The following LEPR variants were observed in gnomAD, a reference collection of about 807,000 sequenced individuals.
LEPR encodes the protein OB receptor.
A neutral mutation model predicts 114.7 loss-of-function variants in LEPR; 56 were observed. The ratio of observed to expected loss-of-function variants is 0.49; its 90% CI spans 0.39 to 0.61. The LOEUF is 0.61. Among genes scored for constraint, LEPR ranks in the 20% least tolerant of loss-of-function variants. The probability of loss-of-function intolerance (pLI) is 0.00; values close to 1 mark genes in which losing one functional copy is unlikely to be tolerated. For synonymous variants in LEPR, 443 were observed against 461.4 expected (o/e 0.96, Z 0.51); for missense variants, 1,202 against 1,352.9 (o/e 0.89, Z 1.75).
At chr1:65,439,246 A>AT (rs1359640245) in intron 2 of LEPR, among the ~76,000 whole-genome samples, 1 of 152,122 alleles carries the variant, frequency 6.6e-6, no homozygotes, top group Non-Finnish European at 1.5e-5. Flanking sequence ...TCCCGGTAAG[A>AT]TTTTTAGGAG....
Position 65,610,195 on chromosome 1 carries a change from A to G in LEPR, c.1913-19A>G. On this transcript the variant is annotated intron_variant, in intron 13 of 19. Coordinates refer to ENST00000349533, the MANE Select transcript of LEPR (RefSeq NM_002303.6). ...AAAGTATTTCTTCAAAAACATATAC[A>G]CAACTTGTCATTTTGCAGTTCCTAT... The G allele has an allele frequency of 6.2e-7, 1 of 1,614,126 alleles. No homozygotes were observed.
intron 2 of LEPR, among the ~76,000 whole-genome samples, chr1:65,491,438 T>A (rs1159535817): frequency 6.6e-6 from 1 of 152,044 alleles, no homozygotes; most frequent in Non-Finnish European, 1.5e-5. Flanking sequence ...GAACAAGAAA[T>A]GAGATTTCTT....
chr1:65,610,024 G>A lies in LEPR; in HGVS notation c.1830G>A (p.Gln610=). The part of the protein sequence containing the change: ...VPDLCAVYAV[Q]VRCKRLDGLG... ...ACTTGTGTGCAGTCTATGCTGTTCA[G>A]GTGCGCTGTAAGAGGCTAGATGGAC... is the stretch of plus-strand genomic sequence containing the variant. Residue 610 remains glutamine (Q), a synonymous_variant, in exon 13 of 20, where the codon CAG becomes CAA. Coordinates refer to ENST00000349533, the MANE Select transcript of LEPR (RefSeq NM_002303.6). 1 of 1,614,218 alleles carries A rather than the reference G, an allele frequency of 6.2e-7. No homozygotes were observed. The highest frequency in any genetic ancestry group is 1.6e-4 in the Middle Eastern group (1 of 6,062).
At chr1:65,448,483 T>G in intron 2 of LEPR, among the ~76,000 whole-genome samples, 1 of 152,226 alleles carries the variant, frequency 6.6e-6, no homozygotes, top group East Asian at 1.9e-4. Flanking sequence ...CTGTAGTCTT[T>G]TTATGTAATG....
intron 11 of LEPR, among the ~76,000 whole-genome samples, chr1:65,605,908 A>C (rs1008591565): frequency 6.6e-6 from 1 of 152,178 alleles, no homozygotes; most frequent in African/African-American, 2.4e-5. Flanking sequence ...GCTTTTGTAG[A>C]TCTTTTCTAA....
intron 2 of LEPR, among the ~76,000 whole-genome samples, chr1:65,445,657 A>G (rs1052168547): frequency 6.6e-6 from 1 of 151,872 alleles, no homozygotes; most frequent in Admixed American, 6.6e-5. Context: ...TTTAAACAGC[A>G]AATCTTTCAA....
chr1:65,614,334 T>C (rs1336230414), intron 14 of LEPR, among the ~76,000 whole-genome samples: 1 of 152,132 alleles, frequency 6.6e-6, no homozygotes, highest in African/African-American at 2.4e-5. Context: ...AAGAAAATCA[T>C]TTAGGAGGTT....
chr1:65,629,449 C>T, intron 19 of LEPR: 2 of 355,366 alleles, frequency 5.6e-6, no homozygotes, highest in South Asian at 4.6e-5. Context: ...ACTTACTGAA[C>T]CAAGTATTTA....
chr1:65,427,135 A>G (rs1023085922), intron 2 of LEPR, among the ~76,000 whole-genome samples: 4 of 152,244 alleles, frequency 2.6e-5, no homozygotes, highest in African/African-American at 9.6e-5. Context: ...GGATCCAGAT[A>G]TAAGCGGTCA....
At chr1:65,608,699 G>T in intron 11 of LEPR, 54 bp from the exon 12 acceptor site, 1 of 1,554,476 alleles carries the variant, frequency 6.4e-7, no homozygotes, top group South Asian at 1.2e-5. Flanking sequence ...AATGTTTTTA[G>T]GCATTATTAC....
rs1387732191 is a variant in LEPR, at chr1:65,488,202, T to C, written c.-21+62824T>C. 4.2e-3 allele frequency among the ~76,000 whole-genome samples: 124 copies of C among 29,382 alleles called. 2 individuals carry two copies. Among genetic ancestry groups the C allele is most frequent in the African/African-American group, 0.011 (76 of 6,750 alleles). 19.3% of individuals were successfully genotyped at this position (29,382 alleles called of 152,430 possible). ...TTTCTTTCTTTCTTTCTTTCTTTCT[T>C]TCTTTCTTTCTCTCTCTCTCTCTCT... On this transcript the variant is annotated intron_variant, in intron 2 of 19. Transcript: ENST00000349533.
chr1:65,566,012 A>G (rs1653726387), intron 3 of LEPR, among the ~76,000 whole-genome samples: 1 of 152,120 alleles, frequency 6.6e-6, no homozygotes, highest in South Asian at 2.1e-4. Context: ...TTTTACCTTT[A>G]TCAGTATTTA....
chr1:65,619,851 TTC>T, intron 16 of LEPR, 75 bp from the exon 17 acceptor site: 1 of 1,125,028 alleles, frequency 8.9e-7, no homozygotes, highest in Non-Finnish European at 1.3e-6. Flanking sequence ...GTCACTTTAA[TTC>T]TTTTTTAAAA....
intron 2 of LEPR, chr1:65,436,092 TA>T (rs1209694951): frequency 1.0e-6 from 1 of 983,928 alleles, no homozygotes; most frequent in Non-Finnish European, 1.2e-6. Context: ...ATCAGCAAGT[TA>T]ATTTTCCCAG....
rs113835943 is a variant in LEPR, at chr1:65,615,285, G to T, written c.1996-723G>T. On this transcript the variant is annotated intron_variant, in intron 14 of 19. Transcript: ENST00000349533. ...GGATTGCCAGCATTTAATCTTACCT[G>T]CCATAGGTGAAGTTGATTGGGGAAA... Among the ~76,000 whole-genome samples the T allele has an allele frequency of 1.9e-3, 295 of 152,236 alleles. 1 individual carries two copies. The highest frequency in any genetic ancestry group is 7.0e-3 in the African/African-American group (291 of 41,544).
At chr1:65,422,139 T>A (rs1296492555) in intron 1 of LEPR, among the ~76,000 whole-genome samples, 1 of 152,242 alleles carries the variant, frequency 6.6e-6, no homozygotes, top group Non-Finnish European at 1.5e-5. Context: ...GAATGTGATC[T>A]TATTTGGAAG....
intron 2 of LEPR, among the ~76,000 whole-genome samples, chr1:65,497,903 A>G (rs1367582483): frequency 6.6e-6 from 1 of 152,188 alleles, no homozygotes; most frequent in Non-Finnish European, 1.5e-5. Flanking sequence ...TAGCAATCAT[A>G]TGTTCTTAAG....
At chr1:65,437,259 G>A (rs9436744) in intron 2 of LEPR, among the ~76,000 whole-genome samples, 151,559 of 152,220 alleles carry the variant, frequency 1, 75,452 homozygotes, top group East Asian at 1. Context: ...ATAAAATCAT[G>A]TATATATGTA....
At chr1:65,541,485 G>A (rs1010760052) in intron 2 of LEPR, among the ~76,000 whole-genome samples, 46 of 151,394 alleles carry the variant, frequency 3.0e-4, no homozygotes, top group African/African-American at 1.1e-3. Flanking sequence ...TTTTCCAAGT[G>A]ACAAATATTT....
Sources: gnomAD v4.1 joint callset for allele counts (sites outside exome capture counted in the v4.1 genomes callset) on GRCh38, gnomAD v4.1.1 for gene constraint, MANE v1.5 for transcripts, NCBI Gene and HGNC (gene_info 2026-07-23, HGNC 2026-07-21) for gene names.